CSMD3: variants seen among roughly 807,000 people sequenced by gnomAD.
CSMD3 encodes CUB and sushi domain-containing protein 3.
In CSMD3, 177 loss-of-function variants were observed where a neutral mutation model predicts 435.2. That is an observed-to-expected ratio of 0.41 (90% CI 0.36 to 0.46). CSMD3 has a LOEUF of 0.46. CSMD3 is among the 20% of genes least tolerant of loss of function. The pLI, the probability that CSMD3 is intolerant of heterozygous loss-of-function variation, is 0.34. For missense variants in CSMD3, 4,265 were observed against 4,504.6 expected, an observed-to-expected ratio of 0.95 and a Z score of 1.52; for synonymous variants, 1,656 against 1,520.5, an observed-to-expected ratio of 1.09 and a Z score of -2.07.
At chr8:113,412,003 C>T (rs528654252) in intron 1 of CSMD3, among the ~76,000 whole-genome samples, 1 of 152,130 alleles carries the variant, frequency 6.6e-6, no homozygotes, top group South Asian at 2.1e-4. Flanking sequence ...CGGTTAATGT[C>T]TTTTTGCTCT....
chr8:112,640,871 T>C (rs10091592), intron 20 of CSMD3, among the ~76,000 whole-genome samples: 75,894 of 151,838 alleles, frequency 0.5, 20,068 homozygotes, highest in Non-Finnish European at 0.59. Context: ...GAGAGTAGAT[T>C]GAATAAAAGA....
chr8:112,498,991 T>A (rs1273629738), intron 30 of CSMD3, among the ~76,000 whole-genome samples: 2 of 152,144 alleles, frequency 1.3e-5, no homozygotes, highest in Non-Finnish European at 2.9e-5. Context: ...TCTTGGCACT[T>A]AGTGTATAGT....
intron 32 of CSMD3, among the ~76,000 whole-genome samples, chr8:112,417,776 C>T (rs1483058051): frequency 2.6e-5 from 4 of 152,118 alleles, no homozygotes; most frequent in Non-Finnish European, 5.9e-5. Context: ...GTGCATTCTA[C>T]CTTTGTTTTT....
chr8:113,195,438 T>C (rs2092640298), intron 3 of CSMD3, among the ~76,000 whole-genome samples: 1 of 150,978 alleles, frequency 6.6e-6, no homozygotes, highest in Non-Finnish European at 1.5e-5. Context: ...CTGTGATGAT[T>C]ATGATTTTCT....
At chr8:112,848,935 T>C (rs1286408589) in intron 11 of CSMD3, among the ~76,000 whole-genome samples, 1 of 152,098 alleles carries the variant, frequency 6.6e-6, no homozygotes, top group East Asian at 1.9e-4. Context: ...TGGTAAGCCA[T>C]ATTCTCTAAA....
chr8:112,551,904 A>G (rs929066768), intron 26 of CSMD3, among the ~76,000 whole-genome samples: 1 of 152,120 alleles, frequency 6.6e-6, no homozygotes, highest in African/African-American at 2.4e-5. Context: ...TATGTCAAGG[A>G]TGATTCTAGC....
chr8:112,580,303 G>GA (rs1267760203), intron 23 of CSMD3, among the ~76,000 whole-genome samples: 3 of 151,712 alleles, frequency 2.0e-5, no homozygotes, highest in African/African-American at 2.4e-5. Flanking sequence ...ATGCCACTTT[G>GA]AAAAAAATAA....
rs539450461 is a variant in CSMD3, at chr8:112,359,089, T to A, written c.6137-6555A>T. ...ATTATTAAAAACTTTTCATCTTCAT[T>A]AAAAGCCATTGTTTATTATTCATTT... On this transcript the variant is annotated intron_variant, in intron 38 of 70. Coordinates refer to ENST00000297405, the MANE Select transcript of CSMD3 (RefSeq NM_198123.2). Among the ~76,000 whole-genome samples the A allele has an allele frequency of 2.0e-5, 3 of 152,290 alleles. No homozygotes were observed. In the South Asian group the frequency reaches 6.2e-4, roughly 32 times the overall value.
At chr8:113,084,690 T>A (rs1328953277) in intron 5 of CSMD3, among the ~76,000 whole-genome samples, 1 of 146,518 alleles carries the variant, frequency 6.8e-6, no homozygotes, top group Non-Finnish European at 1.5e-5. Flanking sequence ...TCCATGGACA[T>A]CACACTACCT....
intron 5 of CSMD3, among the ~76,000 whole-genome samples, chr8:113,044,409 T>C (rs963200326): frequency 1.3e-5 from 2 of 149,192 alleles, no homozygotes; most frequent in Middle Eastern, 3.4e-3. Context: ...GTTGAATGAA[T>C]AGATAAAGAT....
intron 1 of CSMD3, among the ~76,000 whole-genome samples, chr8:113,338,606 G>C (rs2094094773): frequency 6.6e-6 from 1 of 151,860 alleles, no homozygotes. Flanking sequence ...TATGCCAAGT[G>C]GAATTATTCA....
chr8:112,820,162 A>G (rs1166729402), intron 12 of CSMD3, among the ~76,000 whole-genome samples: 1 of 152,182 alleles, frequency 6.6e-6, no homozygotes, highest in Non-Finnish European at 1.5e-5. Context: ...GAAGGGTATC[A>G]TATGTACTTA....
At chr8:112,801,933 A>G (rs781560597) in intron 12 of CSMD3, among the ~76,000 whole-genome samples, 1 of 152,082 alleles carries the variant, frequency 6.6e-6, no homozygotes, top group Non-Finnish European at 1.5e-5. Flanking sequence ...ACATCCTCCT[A>G]TAACATTCAT....
intron 4 of CSMD3, among the ~76,000 whole-genome samples, chr8:113,111,645 T>C (rs2090643986): frequency 6.6e-6 from 1 of 152,102 alleles, no homozygotes; most frequent in Admixed American, 6.5e-5. Flanking sequence ...GGCCCATCAC[T>C]ACAAGAATTC....
chr8:112,712,000 T>C (rs985488052), intron 13 of CSMD3, among the ~76,000 whole-genome samples: 15 of 152,174 alleles, frequency 9.9e-5, no homozygotes, highest in Middle Eastern at 3.2e-3. Context: ...TGTGGACTTT[T>C]GTTGGCTTGG....
At chr8:112,311,504 G>T (rs1308148234) in intron 49 of CSMD3, among the ~76,000 whole-genome samples, 1 of 152,124 alleles carries the variant, frequency 6.6e-6, no homozygotes, top group Non-Finnish European at 1.5e-5. Context: ...TGTCATTTGA[G>T]GGACCTATAT....
In CSMD3 at chr8:112,678,161, G is replaced by T. The variant is rs1035669286; in HGVS notation, c.2677+4281C>A. On this transcript the variant is annotated intron_variant, in intron 16 of 70. Transcript: ENST00000297405. ...TTCCTTGCTCCTGTTAAGCATTTGA[G>T]ATTATGATTCCTGATCTGTGGCATT... Among the ~76,000 whole-genome samples, 9 of 152,176 alleles carry T rather than the reference G, an allele frequency of 5.9e-5. No homozygotes were observed. In the East Asian group the frequency reaches 1.7e-3, roughly 29 times the overall value.
chr8:113,415,333 GAGAGA>G (rs1191380659), intron 1 of CSMD3, among the ~76,000 whole-genome samples: 1 of 152,162 alleles, frequency 6.6e-6, no homozygotes, highest in African/African-American at 2.4e-5. Context: ...CTGCACAGCT[GAGAGA>G]AGAGAAGAGA....
At chr8:112,369,378 TC>T (rs1300029140) in intron 38 of CSMD3, among the ~76,000 whole-genome samples, 2 of 152,188 alleles carry the variant, frequency 1.3e-5, no homozygotes, top group Non-Finnish European at 2.9e-5. Flanking sequence ...GAAATTTAGT[TC>T]CCCTTCTTTA....
Sources: gnomAD v4.1 joint callset for allele counts (sites outside exome capture counted in the v4.1 genomes callset) on GRCh38, gnomAD v4.1.1 for gene constraint, MANE v1.5 for transcripts, NCBI Gene and HGNC (gene_info 2026-07-23, HGNC 2026-07-21) for gene names.